Variants in MTURN observed in about 807,000 individuals in gnomAD.
The protein encoded by MTURN is maturin, neural progenitor differentiation regulator homolog.
In MTURN, 7 loss-of-function variants were observed where a neutral mutation model predicts 14.9. The observed-to-expected ratio is 0.47, with a 90% confidence interval of 0.27 to 0.88. MTURN has a LOEUF of 0.88. Among genes scored for constraint, MTURN ranks in the 40% least tolerant of loss-of-function variants. MTURN has a pLI of 0.14. For synonymous variants in MTURN, 69 were observed against 72.5 expected (o/e 0.95, Z 0.25); for missense variants, 151 against 174.1 (o/e 0.87, Z 0.75).
In MTURN at chr7:30,137,804, T is replaced by C. The variant is rs187489333; in HGVS notation, c.162+2506T>C. 638 of 387,444 alleles carry C rather than the reference T, an allele frequency of 1.6e-3. 4 individuals carry two copies. The highest frequency in any genetic ancestry group is 2.9e-3 in the Non-Finnish European group (547 of 186,692). The allele number at this position is 387,444 out of a possible 1,614,324, so 24.0% of individuals were successfully genotyped here. ...AAAAGTGTGAGATCAATGGAATTTC[T>C]ATTAGTTGAAGGACTTAGCAATAAG... On this transcript the variant is annotated intron_variant, in intron 1 of 2. Coordinates refer to ENST00000324453, the MANE Select transcript of MTURN (RefSeq NM_152793.3).
chr7:30,135,459 CG>C (rs1796934706), intron 1 of MTURN, among the ~76,000 whole-genome samples, 161 bp downstream of exon 1: 1 of 150,908 alleles, frequency 6.6e-6, no homozygotes, highest in Admixed American at 6.6e-5. Context: ...AGCCCCGGGC[CG>C]GGCGGTGCGG....
At chr7:30,138,995 C>G (rs913603962) in intron 1 of MTURN, among the ~76,000 whole-genome samples, 3 of 152,200 alleles carry the variant, frequency 2.0e-5, no homozygotes, top group African/African-American at 7.2e-5. Flanking sequence ...CTCTTTTATT[C>G]TTCCCATAGC....
chr7:30,137,728 T>C lies in MTURN; in HGVS notation c.162+2430T>C, dbSNP rs148314893. 1.8e-4 allele frequency: 86 copies of C among 469,102 alleles called. 1 individual carries two copies. Among genetic ancestry groups the C allele is most frequent in the Admixed American group, 1.4e-3 (61 of 42,126 alleles). 29.1% of individuals were successfully genotyped at this position (469,102 alleles called of 1,614,324 possible). On this transcript the variant is annotated intron_variant, in intron 1 of 2. Transcript: ENST00000324453. ...AGCTACTGTTTGCCTCTAATAAGTG[T>C]CCTGCCTTAGTTCTTTTCTTTTTCC... is the stretch of plus-strand genomic sequence containing the variant.
chr7:30,142,370 T>C (rs1583504020), intron 1 of MTURN, among the ~76,000 whole-genome samples: 1 of 152,132 alleles, frequency 6.6e-6, no homozygotes, highest in South Asian at 2.1e-4. Context: ...ACCTGAGATT[T>C]GGAGCTGGCT....
At chr7:30,157,150 T>C (rs1345188945) in intron 2 of MTURN, among the ~76,000 whole-genome samples, 1 of 152,218 alleles carries the variant, frequency 6.6e-6, no homozygotes, top group Non-Finnish European at 1.5e-5. Flanking sequence ...GATGTGTGTG[T>C]GGGCACATAG....
At chr7:30,157,006 A>G (rs1404479928) in intron 2 of MTURN, among the ~76,000 whole-genome samples, 1 of 152,178 alleles carries the variant, frequency 6.6e-6, no homozygotes, top group Non-Finnish European at 1.5e-5. Context: ...CTAGATTTTT[A>G]GAAATGTGTT....
Position 30,134,996 on chromosome 7 carries a change from G to T in MTURN, c.-141G>T, listed in dbSNP as rs973472710. The T allele has an allele frequency of 1.3e-5, 8 of 608,938 alleles. No homozygotes were observed. Among genetic ancestry groups the T allele is most frequent in the Admixed American group, 6.2e-5 (1 of 16,260 alleles). 37.7% of individuals were successfully genotyped at this position (608,938 alleles called of 1,614,324 possible). ...GCCGCCGCCCGCCCCACTCCGCACCGCATGTAAACAGTCCCAGCCGGCCCA... is the reference window on the plus strand; with the variant it reads ...GCCGCCGCCCGCCCCACTCCGCACCTCATGTAAACAGTCCCAGCCGGCCCA... On this transcript the variant is annotated 5_prime_UTR_variant, in exon 1 of 3. Coordinates refer to ENST00000324453, the MANE Select transcript of MTURN (RefSeq NM_152793.3).
intron 1 of MTURN, chr7:30,137,454 C>T (rs1796981779): frequency 2.7e-6 from 1 of 376,378 alleles, no homozygotes; most frequent in African/African-American, 2.1e-5. Flanking sequence ...TTATTTGTAT[C>T]AGGCCTTTCT....
intron 2 of MTURN, among the ~76,000 whole-genome samples, chr7:30,156,181 C>G (rs866793878): frequency 6.6e-6 from 1 of 152,110 alleles, no homozygotes; most frequent in Non-Finnish European, 1.5e-5. Context: ...CACTTGGTTT[C>G]TAACCAAAGA....
At position 30,157,548 on chromosome 7, in the gene MTURN, A is replaced by G; in HGVS notation, c.396A>G (p.Ter132=). The part of the protein sequence containing the change: ...DHPQMGVSQQ[*] ...CCCAGATGGGGGTCAGCCAGCAGTA[A>G]ATCTGGGGGCTCCCCTGAGAAGGAG... The change falls in exon 3 of 3, where the codon TAA becomes TAG. Residue 132 remains the stop codon, a stop_retained_variant. Coordinates refer to ENST00000324453, the MANE Select transcript of MTURN (RefSeq NM_152793.3). The G allele has an allele frequency of 1.3e-6, 2 of 1,595,764 alleles. No homozygotes were observed. Among genetic ancestry groups the G allele is most frequent in the South Asian group, 1.1e-5 (1 of 88,446 alleles).
intron 2 of MTURN, among the ~76,000 whole-genome samples, chr7:30,151,045 A>G (rs1212102779): frequency 2.0e-5 from 3 of 152,182 alleles, no homozygotes; most frequent in Non-Finnish European, 2.9e-5. Context: ...AGGTATTAGG[A>G]AATGTTTATT....
intron 1 of MTURN, among the ~76,000 whole-genome samples, chr7:30,136,532 G>A (rs1796964882): frequency 6.6e-6 from 1 of 152,192 alleles, no homozygotes; most frequent in Admixed American, 6.5e-5. Context: ...CGAGCGCCCT[G>A]ACCACCTACG....
chr7:30,145,763 C>T, intron 1 of MTURN: 1 of 1,389,790 alleles, frequency 7.2e-7, no homozygotes, highest in South Asian at 1.5e-5. Flanking sequence ...ACAAACTATG[C>T]TTAATTAATC....
chr7:30,146,444 A>G, intron 2 of MTURN, 145 bp downstream of exon 2: 1 of 1,126,140 alleles, frequency 8.9e-7, no homozygotes, highest in South Asian at 1.6e-5. Flanking sequence ...GATAGCAGCC[A>G]GTATAGGGAG....
chr7:30,154,562 AC>A (rs1479017920), intron 2 of MTURN, among the ~76,000 whole-genome samples: 1 of 152,082 alleles, frequency 6.6e-6, no homozygotes, highest in Non-Finnish European at 1.5e-5. Context: ...CTCCATAGTT[AC>A]TCTGTGAGAT....
intron 1 of MTURN, chr7:30,137,494 C>T (rs1351592448): frequency 7.2e-6 from 3 of 417,390 alleles, no homozygotes; most frequent in African/African-American, 4.2e-5. Flanking sequence ...TAAATATTTT[C>T]CCATCTGCAT....
At chr7:30,143,340 TTCCC>T (rs1797082121) in intron 1 of MTURN, among the ~76,000 whole-genome samples, 1 of 150,922 alleles carries the variant, frequency 6.6e-6, no homozygotes, top group African/African-American at 2.5e-5. Flanking sequence ...TGGATCTTAT[TTCCC>T]TCCCTTTGTC....
chr7:30,159,123 C>G lies in MTURN; in HGVS notation c.*1575C>G, dbSNP rs960962503. On this transcript the variant is annotated 3_prime_UTR_variant, in exon 3 of 3. Coordinates refer to ENST00000324453, the MANE Select transcript of MTURN (RefSeq NM_152793.3). ...AAAATAATAGGACAGTGATTTCCAT[C>G]TGTGCTTCAGTACCCACTTTGTGTT... is the stretch of plus-strand genomic sequence containing the variant. The G allele has an allele frequency of 1.3e-5, 2 of 152,212 alleles. No homozygotes were observed. Among genetic ancestry groups the G allele is most frequent in the Non-Finnish European group, 2.9e-5 (2 of 68,038 alleles). 9.4% of individuals were successfully genotyped at this position (152,212 alleles called of 1,614,324 possible). A position where few individuals can be genotyped will look rare whatever the true frequency, so the allele number is the denominator to read the frequency against.
At position 30,135,005 on chromosome 7, in the gene MTURN, C is replaced by A; in HGVS notation, c.-132C>A. Reference sequence around the variant, plus strand: ...CGCCCCACTCCGCACCGCATGTAAACAGTCCCAGCCGGCCCAGCCCGGCCC... The same window carrying A: ...CGCCCCACTCCGCACCGCATGTAAAAAGTCCCAGCCGGCCCAGCCCGGCCC... On this transcript the variant is annotated 5_prime_UTR_variant, in exon 1 of 3. Coordinates refer to ENST00000324453, the MANE Select transcript of MTURN (RefSeq NM_152793.3). 2.6e-6 allele frequency: 2 copies of A among 759,278 alleles called. No homozygotes were observed. The highest frequency in any genetic ancestry group is 3.3e-6 in the Non-Finnish European group (2 of 613,128). 47.0% of individuals were successfully genotyped at this position (759,278 alleles called of 1,614,324 possible).
Sources: allele counts gnomAD v4.1 joint callset (sites outside exome capture counted in the v4.1 genomes callset), GRCh38; gene constraint gnomAD v4.1.1; transcripts MANE v1.5; gene names NCBI Gene and HGNC (gene_info 2026-07-23, HGNC 2026-07-21).